CCZ1B: variants seen among roughly 807,000 people sequenced by gnomAD.
CCZ1B encodes vacuolar fusion protein CCZ1 homolog B.
A neutral mutation model predicts 58.8 loss-of-function variants in CCZ1B; 25 were observed. That is an observed-to-expected ratio of 0.43 (90% CI 0.31 to 0.59). The LOEUF is 0.59. Among genes scored for constraint, CCZ1B ranks in the 20% least tolerant of loss-of-function variants. CCZ1B has a pLI of 0.12. For synonymous variants in CCZ1B, 66 were observed against 173.2 expected (o/e 0.38, Z 4.86); for missense variants, 180 against 501.5 (o/e 0.36, Z 6.12).
chr7:6,825,641 C>CCACACACA (rs376938545), intron 1 of CCZ1B, among the ~76,000 whole-genome samples: 5,619 of 86,704 alleles, frequency 0.065, 697 homozygotes, highest in South Asian at 0.12. Context: ...CTCAGAAAAA[C>CCACACACA]CACACACACA....
chr7:6,811,929 G>A lies in CCZ1B; in HGVS notation c.954+23C>T, dbSNP rs368787417. 8.1e-5 allele frequency: 129 copies of A among 1,595,410 alleles called. 9 individuals are homozygous for A. In the Middle Eastern group the frequency reaches 1.2e-3, roughly 15 times the overall value. On this transcript the variant is annotated intron_variant, in intron 10 of 14. Transcript: ENST00000316731. The stretch of plus-strand genomic sequence containing the variant: ...GATCCATTTCAGCACAATCATTAAC[G>A]CTGGAAGGAAAACAGTTGTTACCTT...
intron 7 of CCZ1B, among the ~76,000 whole-genome samples, chr7:6,817,513 G>A (rs1319071880): frequency 1.3e-5 from 2 of 149,764 alleles, no homozygotes; most frequent in Non-Finnish European, 3.0e-5. Context: ...CCGTGGCTGC[G>A]TGTGATTTGC....
chr7:6,819,221 C>G (rs931237444), intron 7 of CCZ1B, among the ~76,000 whole-genome samples: 5 of 137,096 alleles, frequency 3.6e-5, no homozygotes, highest in Middle Eastern at 3.5e-3. Flanking sequence ...ATTCCTAAAT[C>G]TTACTTGATA....
chr7:6,800,202 T>G (rs1414932052), intron 14 of CCZ1B, among the ~76,000 whole-genome samples: 2 of 129,778 alleles, frequency 1.5e-5, no homozygotes, highest in African/African-American at 6.0e-5. Flanking sequence ...GCACCGCAGC[T>G]GCCGGGTCAC....
At chr7:6,804,340 T>C (rs1782805924) in intron 12 of CCZ1B, among the ~76,000 whole-genome samples, 1 of 127,342 alleles carries the variant, frequency 7.9e-6, no homozygotes, top group Non-Finnish European at 1.6e-5. Flanking sequence ...TGAGAATCGC[T>C]TGAGCCTGGG....
At position 6,814,736 on chromosome 7, in the gene CCZ1B, T is replaced by C. The variant is rs137998747; in HGVS notation, c.780+28A>G. On this transcript the variant is annotated intron_variant, in intron 8 of 14. Transcript: ENST00000316731. ...GCCCTCTCTGTGCCCCTGCATGTAA[T>C]TGTGTGCAGCTATGGTACCCATCAT... is the stretch of plus-strand genomic sequence containing the variant. The C allele has an allele frequency of 2.6e-5, 41 of 1,584,752 alleles. 1 individual carries two copies. The highest frequency in any genetic ancestry group is 3.4e-4 in the Middle Eastern group (2 of 5,950).
chr7:6,825,191 C>T (rs1342516828), intron 1 of CCZ1B, among the ~76,000 whole-genome samples: 1 of 148,746 alleles, frequency 6.7e-6, no homozygotes, highest in Non-Finnish European at 1.5e-5. Flanking sequence ...ACACATAGCT[C>T]CCTGAAAATT....
At chr7:6,811,092 G>A (rs1782910751) in intron 10 of CCZ1B, among the ~76,000 whole-genome samples, 1 of 151,486 alleles carries the variant, frequency 6.6e-6, no homozygotes, top group Non-Finnish European at 1.5e-5. Flanking sequence ...GCCTGTCTGT[G>A]CAAGGATGGG....
rs7782607 is a variant in CCZ1B at position 6,813,967 on chromosome 7, G to C, written c.780+797C>G. On this transcript the variant is annotated intron_variant, in intron 8 of 14. Transcript: ENST00000316731. Reference sequence around the variant, plus strand: ...TCGAGACCAGCCTGGCCAACATGGTGAAACTCCATCTCTACTAAAAATATA... The same window carrying C: ...TCGAGACCAGCCTGGCCAACATGGTCAAACTCCATCTCTACTAAAAATATA... 6.7e-3 allele frequency among the ~76,000 whole-genome samples: 999 copies of C among 148,188 alleles called. 32 individuals carry two copies. Among genetic ancestry groups the C allele is most frequent in the African/African-American group, 0.024 (939 of 38,930 alleles).
chr7:6,800,612 T>G (rs1185379427), intron 14 of CCZ1B, among the ~76,000 whole-genome samples: 11 of 136,974 alleles, frequency 8.0e-5, no homozygotes, highest in Non-Finnish European at 1.5e-4. Flanking sequence ...GGGGCTGTGG[T>G]GAGCTATGAT....
At chr7:6,816,948 G>A (rs1453621304) in intron 7 of CCZ1B, among the ~76,000 whole-genome samples, 1 of 49,082 alleles carries the variant, frequency 2.0e-5, no homozygotes, top group Non-Finnish European at 4.7e-5. Flanking sequence ...ATTTTTTGTA[G>A]AGATACAGTC....
intron 8 of CCZ1B, among the ~76,000 whole-genome samples, chr7:6,814,267 T>G (rs560215524): frequency 1.3e-5 from 2 of 149,808 alleles, no homozygotes; most frequent in East Asian, 3.9e-4. Flanking sequence ...CTGGGGGCAG[T>G]GGCTCACGCC....
intron 4 of CCZ1B, 97 bp from the exon 5 acceptor site, chr7:6,823,457 A>ATAATGTTT: frequency 6.5e-7 from 1 of 1,527,800 alleles, no homozygotes; most frequent in Middle Eastern, 1.8e-4. Flanking sequence ...GCCAAACAGT[A>ATAATGTTT]TAATGTTTAT....
chr7:6,809,190 TACTTCTAGAG>T (rs1287492706), intron 10 of CCZ1B, among the ~76,000 whole-genome samples: 1 of 119,906 alleles, frequency 8.3e-6, no homozygotes, highest in Non-Finnish European at 1.7e-5. Context: ...AGTCCTGTAG[TACTTCTAGAG>T]AACTCTTACC....
At chr7:6,809,401 C>G (rs1162543935) in intron 10 of CCZ1B, among the ~76,000 whole-genome samples, 2 of 143,694 alleles carry the variant, frequency 1.4e-5, no homozygotes, top group Admixed American at 6.8e-5. Flanking sequence ...AACATAGCCA[C>G]AACCCCATCA....
chr7:6,800,447 G>C (rs1433305852), intron 14 of CCZ1B, among the ~76,000 whole-genome samples: 2 of 140,038 alleles, frequency 1.4e-5, no homozygotes, highest in East Asian at 2.2e-4. Context: ...TTGAGGCCTG[G>C]AGTTTGAGCC....
At chr7:6,819,134 A>G (rs1783067730) in intron 7 of CCZ1B, among the ~76,000 whole-genome samples, 1 of 147,344 alleles carries the variant, frequency 6.8e-6, no homozygotes, top group Non-Finnish European at 1.5e-5. Context: ...AAAAAAAAAA[A>G]AAAAAAAAAA....
intron 1 of CCZ1B, among the ~76,000 whole-genome samples, chr7:6,825,665 C>CT (rs1423276149): frequency 4.5e-5 from 5 of 111,506 alleles, no homozygotes; most frequent in Admixed American, 3.1e-4. Flanking sequence ...ACACACACAC[C>CT]CCTCCCGAAA....
At chr7:6,800,431 G>A (rs1348619022) in intron 14 of CCZ1B, among the ~76,000 whole-genome samples, 2 of 142,218 alleles carry the variant, frequency 1.4e-5, no homozygotes, top group Non-Finnish European at 3.0e-5. Flanking sequence ...GAGGCCAGAG[G>A]ATCACTTGAG....
Sources: allele counts gnomAD v4.1 joint callset (sites outside exome capture counted in the v4.1 genomes callset), GRCh38; gene constraint gnomAD v4.1.1; transcripts MANE v1.5; gene names NCBI Gene and HGNC (gene_info 2026-07-23, HGNC 2026-07-21).